Variants in SLC38A12 observed in about 807,000 individuals in gnomAD.
The protein encoded by SLC38A12 is putative sodium-coupled neutral amino acid transporter 12.
chr17:74,807,138 A>G, the SLC38A12 span, among the ~76,000 whole-genome samples: 9 of 48,668 alleles, frequency 1.8e-4, 1 homozygote, highest in Middle Eastern at 0.045. Context: ...TGTCATCCCC[A>G]GACGTCGAGT....
At chr17:74,827,220 G>A in the SLC38A12 span, among the ~76,000 whole-genome samples, 2 of 152,064 alleles carry the variant, frequency 1.3e-5, no homozygotes, top group Admixed American at 6.5e-5. This position sits in a 1 kb window ranked among gnomAD's most constrained non-coding sequence, Gnocchi z 4.7. Flanking sequence ...CTTCCTGAGC[G>A]ATTGCTGTGA....
chr17:74,788,433 C>T, the SLC38A12 span, among the ~76,000 whole-genome samples: 1 of 152,178 alleles, frequency 6.6e-6, no homozygotes, highest in African/African-American at 2.4e-5. Context: ...GAACCAGCCT[C>T]CCCTCACTGA....
At chr17:74,794,949 A>AGG in the SLC38A12 span, 5 of 1,180,516 alleles carry the variant, frequency 4.2e-6, no homozygotes, top group Admixed American at 2.1e-5. Context: ...AAGAAGAAGA[A>AGG]AAAAAAAAAA....
chr17:74,837,081 T>C, the SLC38A12 span: 7 of 1,007,100 alleles, frequency 7.0e-6, no homozygotes, highest in South Asian at 2.7e-4. Context: ...CCCATGCCCC[T>C]CCCCTCTCCT....
the SLC38A12 span, among the ~76,000 whole-genome samples, chr17:74,799,385 C>T: frequency 1.2e-4 from 19 of 152,226 alleles, no homozygotes; most frequent in Non-Finnish European, 2.6e-4. Context: ...GAGGGCCCTT[C>T]GTGGGCTGCC....
the SLC38A12 span, among the ~76,000 whole-genome samples, chr17:74,786,566 G>A: frequency 0.028 from 4,276 of 152,290 alleles, 210 homozygotes; most frequent in African/African-American, 0.098. Context: ...GCGTAACAGG[G>A]CGAGGGGACT....
chr17:74,836,064 C>A, the SLC38A12 span: 5 of 1,613,688 alleles, frequency 3.1e-6, no homozygotes, highest in South Asian at 5.5e-5. This position sits in a 1 kb window ranked among gnomAD's most constrained non-coding sequence, Gnocchi z 4.2. Flanking sequence ...CCAGCACTCT[C>A]TGCCATCCCT....
chr17:74,780,668 C>G, the SLC38A12 span, among the ~76,000 whole-genome samples: 1 of 152,160 alleles, frequency 6.6e-6, no homozygotes, highest in Non-Finnish European at 1.5e-5. Flanking sequence ...TTGGCCATCA[C>G]TGATTACCTT....
the SLC38A12 span, among the ~76,000 whole-genome samples, chr17:74,783,838 C>A: frequency 6.6e-5 from 10 of 150,448 alleles, no homozygotes; most frequent in African/African-American, 2.4e-4. Flanking sequence ...TCAAGCGATC[C>A]CCCTGCCTCA....
the SLC38A12 span, chr17:74,837,562 C>T: frequency 1.0e-6 from 1 of 985,442 alleles, no homozygotes; most frequent in Non-Finnish European, 1.2e-6. Context: ...TGGGAGGGCT[C>T]TGAGGTTCCC....
chr17:74,790,497 T>C, the SLC38A12 span, among the ~76,000 whole-genome samples: 2 of 152,200 alleles, frequency 1.3e-5, no homozygotes, highest in African/African-American at 2.4e-5. Context: ...GCTTGGCCAC[T>C]ACTCAGATTT....
chr17:74,798,151 C>T, the SLC38A12 span, among the ~76,000 whole-genome samples: 1 of 152,200 alleles, frequency 6.6e-6, no homozygotes, highest in African/African-American at 2.4e-5. Context: ...TGCCCCTACC[C>T]AGGCTGCATT....
chr17:74,810,048 A>G, the SLC38A12 span, among the ~76,000 whole-genome samples: 1 of 152,152 alleles, frequency 6.6e-6, no homozygotes, highest in Non-Finnish European at 1.5e-5. Flanking sequence ...GCTTTGGAAC[A>G]CGCTGCTGGG....
At chr17:74,789,493 G>A in the SLC38A12 span, among the ~76,000 whole-genome samples, 4 of 147,802 alleles carry the variant, frequency 2.7e-5, no homozygotes, top group Admixed American at 1.4e-4. Context: ...TTGTGCCACT[G>A]CACTCCATCC....
the SLC38A12 span, among the ~76,000 whole-genome samples, chr17:74,813,092 TCA>T: frequency 6.6e-6 from 1 of 152,154 alleles, no homozygotes; most frequent in Non-Finnish European, 1.5e-5. Flanking sequence ...AGCCAGCGGG[TCA>T]CAGTGTCACT....
At chr17:74,826,066 A>G in the SLC38A12 span, among the ~76,000 whole-genome samples, 2 of 152,202 alleles carry the variant, frequency 1.3e-5, no homozygotes, top group Admixed American at 6.5e-5. Flanking sequence ...TATGTTTCCA[A>G]TCTCCAGGAA....
chr17:74,793,873 C>T, the SLC38A12 span, among the ~76,000 whole-genome samples: 1 of 152,116 alleles, frequency 6.6e-6, no homozygotes, highest in Non-Finnish European at 1.5e-5. Flanking sequence ...TAGTCTTTTC[C>T]CCCCCAGGCT....
chr17:74,781,955 C>T, the SLC38A12 span, among the ~76,000 whole-genome samples: 1 of 152,238 alleles, frequency 6.6e-6, no homozygotes, highest in South Asian at 2.1e-4. Flanking sequence ...GAAGTCTCTC[C>T]CTCGTCTATT....
At chr17:74,801,707 A>G in the SLC38A12 span, among the ~76,000 whole-genome samples, 1 of 152,230 alleles carries the variant, frequency 6.6e-6, no homozygotes, top group African/African-American at 2.4e-5. Flanking sequence ...GACTGCGCTC[A>G]GGCTGAAATG....
Sources: allele counts gnomAD v4.1 joint callset (sites outside exome capture counted in the v4.1 genomes callset), GRCh38; gene constraint gnomAD v4.1.1; non-coding constraint Gnocchi (gnomAD v3.1); transcripts MANE v1.5; gene names NCBI Gene and HGNC (gene_info 2026-07-23, HGNC 2026-07-21).